Variants in SPIDR observed in about 807,000 individuals in gnomAD.
SPIDR encodes DNA repair-scaffolding protein.
Under a neutral mutation model 104.6 loss-of-function variants are expected in SPIDR, and 93 were observed. The ratio of observed to expected loss-of-function variants is 0.89; its 90% confidence interval spans 0.75 to 1.06. The LOEUF (loss-of-function observed/expected upper bound fraction) is 1.06. Ranked by LOEUF, SPIDR falls within the 50% of genes least tolerant of loss-of-function variation. SPIDR has a pLI of 0.00. For synonymous variants in SPIDR, 431 were observed against 416.9 expected (o/e 1.03, Z -0.41); for missense variants, 1,154 against 1,111.2 (o/e 1.04, Z -0.55).
chr8:47,313,416 T>C (rs201093589), intron 5 of SPIDR, among the ~76,000 whole-genome samples: 1 of 152,094 alleles, frequency 6.6e-6, no homozygotes, highest in Non-Finnish European at 1.5e-5. Flanking sequence ...TAAAAGAGGA[T>C]ACAAACAAAT....
intron 8 of SPIDR, among the ~76,000 whole-genome samples, chr8:47,521,755 C>A (rs1564215647): frequency 6.6e-6 from 1 of 152,006 alleles, no homozygotes; most frequent in Non-Finnish European, 1.5e-5. Flanking sequence ...CTACTCAAGA[C>A]AGCTTAGAAG....
intron 8 of SPIDR, among the ~76,000 whole-genome samples, chr8:47,450,666 A>C (rs1382491615): frequency 6.6e-6 from 1 of 152,238 alleles, no homozygotes; most frequent in Non-Finnish European, 1.5e-5. Flanking sequence ...ACAAAATATT[A>C]GCAAACAAAT....
Position 47,449,876 on chromosome 8 carries a change from T to C in SPIDR, c.1097+9334T>C, listed in dbSNP as rs142198124. 3.5e-3 allele frequency among the ~76,000 whole-genome samples: 537 copies of C among 152,270 alleles called. 7 individuals are homozygous for C. The highest frequency in any genetic ancestry group is 0.012 in the African/African-American group (508 of 41,556). ...CTGAGACTGCATAATTTATAAGCAA[T>C]AGAAATTTGTCAGCCCAGTGCAGTG... On this transcript the variant is annotated intron_variant, in intron 8 of 19. Coordinates refer to ENST00000297423, the MANE Select transcript of SPIDR (RefSeq NM_001080394.4).
chr8:47,487,490 C>T (rs530516736), intron 8 of SPIDR, among the ~76,000 whole-genome samples: 2 of 152,188 alleles, frequency 1.3e-5, no homozygotes, highest in Non-Finnish European at 2.9e-5. Flanking sequence ...GAACTCAGCT[C>T]TGCACCTAGA....
intron 3 of SPIDR, among the ~76,000 whole-genome samples, chr8:47,286,703 T>C (rs1369149813): frequency 6.6e-6 from 1 of 152,130 alleles, no homozygotes; most frequent in Non-Finnish European, 1.5e-5. Flanking sequence ...CAGAACTTAA[T>C]CTAGGGGGAA....
intron 8 of SPIDR, among the ~76,000 whole-genome samples, chr8:47,470,900 A>T (rs2075603546): frequency 6.6e-6 from 1 of 151,982 alleles, no homozygotes; most frequent in East Asian, 2.0e-4. Context: ...ACGCCCAGCT[A>T]ATTTTTTGTA....
intron 8 of SPIDR, among the ~76,000 whole-genome samples, chr8:47,445,166 A>G (rs552874621): frequency 3.3e-5 from 5 of 152,224 alleles, no homozygotes; most frequent in Non-Finnish European, 5.9e-5. Context: ...ACTTTTTACA[A>G]ATTGAAGGTT....
chr8:47,497,426 A>G (rs954493179), intron 8 of SPIDR, among the ~76,000 whole-genome samples: 1 of 151,954 alleles, frequency 6.6e-6, no homozygotes, highest in Non-Finnish European at 1.5e-5. Flanking sequence ...ATCTCAAAGT[A>G]TTTTCTAATG....
chr8:47,517,109 C>T (rs567723550), intron 8 of SPIDR, among the ~76,000 whole-genome samples: 1 of 152,010 alleles, frequency 6.6e-6, no homozygotes, highest in East Asian at 1.9e-4. Flanking sequence ...CTCAGCCTCC[C>T]AAGTAGCTGG....
Position 47,487,712 on chromosome 8 carries a change from C to T in SPIDR, c.1097+47170C>T, listed in dbSNP as rs895718359. Among the ~76,000 whole-genome samples, 205 of 152,214 alleles carry T rather than the reference C, an allele frequency of 1.3e-3. 2 individuals are homozygous for T. Among genetic ancestry groups the T allele is most frequent in the Admixed American group, 0.01 (154 of 15,280 alleles). ...CAGGATTAAGAAACTCACTCAAAACCACTCAACTACATGGAAACTGCACAA... is the reference window on the plus strand; with the variant it reads ...CAGGATTAAGAAACTCACTCAAAACTACTCAACTACATGGAAACTGCACAA... On this transcript the variant is annotated intron_variant, in intron 8 of 19. Transcript: ENST00000297423.
At chr8:47,638,785 A>G (rs1455407503) in intron 10 of SPIDR, among the ~76,000 whole-genome samples, 1 of 152,188 alleles carries the variant, frequency 6.6e-6, no homozygotes, top group Admixed American at 6.5e-5. Flanking sequence ...TCCCTGTGCC[A>G]TTCCAGATCC....
At chr8:47,586,959 G>A (rs2060316103) in intron 8 of SPIDR, among the ~76,000 whole-genome samples, 1 of 152,090 alleles carries the variant, frequency 6.6e-6, no homozygotes, top group Non-Finnish European at 1.5e-5. Context: ...AGTAGAGACA[G>A]AGGTTTCACC....
At chr8:47,314,647 A>G (rs181761738) in intron 5 of SPIDR, among the ~76,000 whole-genome samples, 115 of 152,294 alleles carry the variant, frequency 7.6e-4, no homozygotes, top group African/African-American at 2.1e-3. Flanking sequence ...CTGCTCCATG[A>G]TGCAGTTACC....
intron 8 of SPIDR, among the ~76,000 whole-genome samples, chr8:47,485,066 A>T (rs1176476690): frequency 6.6e-6 from 1 of 152,234 alleles, no homozygotes; most frequent in Non-Finnish European, 1.5e-5. Context: ...TCACCCGGGA[A>T]GTGCAAGGGG....
chr8:47,474,127 T>G (rs1431499824), intron 8 of SPIDR, among the ~76,000 whole-genome samples: 5 of 152,174 alleles, frequency 3.3e-5, no homozygotes, highest in African/African-American at 7.2e-5. Context: ...TCAGCATTCC[T>G]TATTGAGTGA....
chr8:47,704,632 C>G (rs542486170), intron 14 of SPIDR, among the ~76,000 whole-genome samples: 1 of 152,334 alleles, frequency 6.6e-6, no homozygotes, highest in South Asian at 2.1e-4. Flanking sequence ...CATTCTCTCA[C>G]CATATTGGAT....
intron 5 of SPIDR, among the ~76,000 whole-genome samples, chr8:47,297,317 C>G (rs587647902): frequency 3.9e-4 from 59 of 152,206 alleles, no homozygotes; most frequent in Admixed American, 1.1e-3. Flanking sequence ...TTACCTTTTT[C>G]CAGGGAGCAT....
intron 5 of SPIDR, among the ~76,000 whole-genome samples, chr8:47,391,144 G>T (rs1195730614): frequency 1.3e-5 from 2 of 152,150 alleles, no homozygotes; most frequent in African/African-American, 4.8e-5. Flanking sequence ...TTCATCTGGG[G>T]TTATGGACGT....
At chr8:47,328,201 A>C (rs912129598) in intron 5 of SPIDR, among the ~76,000 whole-genome samples, 1 of 151,928 alleles carries the variant, frequency 6.6e-6, no homozygotes, top group Non-Finnish European at 1.5e-5. Context: ...TCTTCTATTT[A>C]GGCCATTGAT....
Sources: gnomAD v4.1 joint callset for allele counts (sites outside exome capture counted in the v4.1 genomes callset) on GRCh38, gnomAD v4.1.1 for gene constraint, MANE v1.5 for transcripts, NCBI Gene and HGNC (gene_info 2026-07-23, HGNC 2026-07-21) for gene names.